The following COL19A1 variants were observed in gnomAD, a reference collection of about 807,000 sequenced individuals.
COL19A1 encodes collagen alpha-1(XIX) chain.
In COL19A1, 159 loss-of-function variants were observed where a neutral mutation model predicts 190.2. The observed-to-expected ratio is 0.84, with a 90% CI of 0.73 to 0.95. The LOEUF (loss-of-function observed/expected upper bound fraction) is 0.95, where lower values mean the gene tolerates loss of function less well. Ranked by LOEUF, COL19A1 falls within the 40% of genes least tolerant of loss-of-function variation. COL19A1 has a pLI of 0.00. For synonymous variants in COL19A1, 509 were observed against 458.9 expected, an observed-to-expected ratio of 1.11 and a Z score of -1.39; for missense variants, 1,418 against 1,431.9, an observed-to-expected ratio of 0.99 and a Z score of 0.16.
chr6:70,120,950 T>A (rs1280308101), intron 16 of COL19A1, among the ~76,000 whole-genome samples: 1 of 152,208 alleles, frequency 6.6e-6, no homozygotes, highest in African/African-American at 2.4e-5. Flanking sequence ...TTCATTCCCT[T>A]TGAAAAATAT....
Position 70,207,191 on chromosome 6 carries a change from C to T in COL19A1, c.3346C>T (p.Pro1116Ser), listed in dbSNP as rs139599884. ...GSPGAPGPQGPPGPSGRCNPE... is the reference protein window; with the variant it reads ...GSPGAPGPQGSPGPSGRCNPE... ...ACCAGGTGCCCCAGGCCCACAGGGC[C>T]CCCCAGGACCCAGTGGAAGATGTAA... is the stretch of plus-strand genomic sequence containing the variant. The change falls in exon 51 of 51, where the codon CCC becomes TCC. Residue 1116 changes from proline (P) to serine (S), a missense_variant. Physicochemically the swap from Pro to Ser is moderately conservative, Grantham distance 74. Transcript: ENST00000620364. 1.2e-6 allele frequency: 2 copies of T among 1,613,686 alleles called. No individual in the cohort carries two copies. The highest frequency in any genetic ancestry group is 1.7e-6 in the Non-Finnish European group (2 of 1,179,782).
chr6:70,053,374 G>GT (rs1323717188), intron 14 of COL19A1, among the ~76,000 whole-genome samples: 3 of 152,104 alleles, frequency 2.0e-5, no homozygotes, highest in Non-Finnish European at 4.4e-5. Context: ...GAAAATTAGG[G>GT]TTTTTTTCTG....
At chr6:70,123,147 G>A (rs1032907302) in intron 17 of COL19A1, among the ~76,000 whole-genome samples, 2 of 152,106 alleles carry the variant, frequency 1.3e-5, no homozygotes, top group Non-Finnish European at 2.9e-5. Flanking sequence ...AGTGGGTGAA[G>A]GACATGAACA....
intron 14 of COL19A1, among the ~76,000 whole-genome samples, chr6:70,045,532 C>T (rs1449119036): frequency 6.6e-6 from 1 of 152,084 alleles, no homozygotes; most frequent in Non-Finnish European, 1.5e-5. Context: ...ATTTTTAAGG[C>T]AGGCAGTTAA....
chr6:69,964,970 A>AT (rs1356821744), intron 11 of COL19A1, among the ~76,000 whole-genome samples: 1 of 152,110 alleles, frequency 6.6e-6, no homozygotes, highest in Non-Finnish European at 1.5e-5. Flanking sequence ...AACCACATGT[A>AT]TTTTTTCATG....
chr6:69,867,367 GT>G (rs1456512055), intron 1 of COL19A1: 1 of 154,264 alleles, frequency 6.5e-6, no homozygotes, highest in African/African-American at 2.4e-5. Flanking sequence ...CGCCGCCGCC[GT>G]CCCCGCAGTC....
In COL19A1 at chr6:70,110,633, T is replaced by C. The variant is rs563499694; in HGVS notation, c.1278+8411T>C. Among the ~76,000 whole-genome samples, 141 of 152,264 alleles carry C rather than the reference T, an allele frequency of 9.3e-4. 2 individuals carry two copies. The highest frequency in any genetic ancestry group is 3.3e-3 in the African/African-American group (137 of 41,556). The stretch of plus-strand genomic sequence containing the variant: ...ACCACAGAATACATAGACATGCATG[T>C]GAGGCAGCTGGGGATATCAGGTTGA... On this transcript the variant is annotated intron_variant, in intron 16 of 50. Coordinates refer to ENST00000620364, the MANE Select transcript of COL19A1 (RefSeq NM_001858.6).
At chr6:70,018,776 G>T (rs1671255345) in intron 11 of COL19A1, among the ~76,000 whole-genome samples, 2 of 152,120 alleles carry the variant, frequency 1.3e-5, no homozygotes, top group Non-Finnish European at 2.9e-5. Context: ...AGTCCTACTG[G>T]AAATCCTCTG....
intron 4 of COL19A1, among the ~76,000 whole-genome samples, chr6:69,918,354 A>G (rs1561993568): frequency 6.6e-6 from 1 of 152,120 alleles, no homozygotes; most frequent in Non-Finnish European, 1.5e-5. Flanking sequence ...TAGCATGGTG[A>G]TAGTGGAGAT....
chr6:70,161,990 T>C lies in COL19A1; in HGVS notation c.2346+37T>C, dbSNP rs748382705. ...TTAAAACGATTGCACTCACAGCTTATATCTGCTGGTTTGATGCAAGGTGAA... is the reference window on the plus strand; with the variant it reads ...TTAAAACGATTGCACTCACAGCTTACATCTGCTGGTTTGATGCAAGGTGAA... On this transcript the variant is annotated intron_variant, in intron 35 of 50. Transcript: ENST00000620364. The C allele has an allele frequency of 7.7e-6, 12 of 1,563,462 alleles. No individual in the cohort carries two copies. The South Asian group carries it at 1.4e-4, about 19-fold the overall frequency.
intron 16 of COL19A1, among the ~76,000 whole-genome samples, chr6:70,111,283 T>C (rs1239103178): frequency 1.3e-5 from 2 of 152,314 alleles, no homozygotes; most frequent in Middle Eastern, 3.4e-3. Context: ...TAGCTTAGTA[T>C]GATCAAAGTA....
intron 14 of COL19A1, among the ~76,000 whole-genome samples, chr6:70,046,254 A>G (rs1004778538): frequency 6.6e-6 from 1 of 152,110 alleles, no homozygotes; most frequent in Non-Finnish European, 1.5e-5. Flanking sequence ...TGATTTTTTC[A>G]GTAGCCAATT....
chr6:70,098,647 G>A (rs1433869758), intron 15 of COL19A1: 2 of 323,818 alleles, frequency 6.2e-6, no homozygotes, highest in South Asian at 3.0e-5. Flanking sequence ...GCGTCTTACT[G>A]CAACACTTTT....
At chr6:70,189,956 T>C (rs1225119362) in intron 47 of COL19A1, among the ~76,000 whole-genome samples, 1 of 152,254 alleles carries the variant, frequency 6.6e-6, no homozygotes, top group Non-Finnish European at 1.5e-5. Context: ...TAAATTGTGA[T>C]TAGGCTACTA....
intron 14 of COL19A1, among the ~76,000 whole-genome samples, chr6:70,046,772 G>C (rs755202716): frequency 5.3e-5 from 8 of 151,904 alleles, no homozygotes; most frequent in Non-Finnish European, 1.2e-4. Flanking sequence ...CTCATAGATG[G>C]TAAAATTTAG....
chr6:69,968,363 C>G (rs1441038127), intron 11 of COL19A1, among the ~76,000 whole-genome samples: 1 of 152,046 alleles, frequency 6.6e-6, no homozygotes, highest in Admixed American at 6.5e-5. Flanking sequence ...TATGATATGT[C>G]TCATATAGTC....
intron 35 of COL19A1, among the ~76,000 whole-genome samples, chr6:70,162,345 G>T (rs1287166621): frequency 6.6e-6 from 1 of 152,056 alleles, no homozygotes; most frequent in African/African-American, 2.4e-5. Flanking sequence ...AGGATTATCA[G>T]ATTTCATTTA....
intron 15 of COL19A1, among the ~76,000 whole-genome samples, chr6:70,074,143 T>C (rs866351950): frequency 6.6e-6 from 1 of 152,288 alleles, no homozygotes. Flanking sequence ...GAAAACTTTG[T>C]AGAACACAGC....
rs1378668984 is a variant in COL19A1 at position 70,180,484 on chromosome 6, T to C, written c.2736T>C (p.Asp912=). 9 of 1,614,022 alleles carry C rather than the reference T, an allele frequency of 5.6e-6. No individual in the cohort carries two copies. Among genetic ancestry groups the C allele is most frequent in the Admixed American group, 1.7e-5 (1 of 59,990 alleles). The change falls in exon 44 of 51, where the codon GAT becomes GAC. Residue 912 remains aspartate, a synonymous_variant. Transcript: ENST00000620364. The part of the protein sequence containing the change: ...GEPGERGPVG[D]IGFPGPEGPS... Reference sequence around the variant, plus strand: ...AGGGTGAGAGAGGACCTGTTGGAGATATAGGTTTCCCTGGACCAGAAGGAC... The same window carrying C: ...AGGGTGAGAGAGGACCTGTTGGAGACATAGGTTTCCCTGGACCAGAAGGAC...
Sources: gnomAD v4.1 joint callset for allele counts (sites outside exome capture counted in the v4.1 genomes callset) on GRCh38, gnomAD v4.1.1 for gene constraint, MANE v1.5 for transcripts, NCBI Gene and HGNC (gene_info 2026-07-23, HGNC 2026-07-21) for gene names.